STARD13: variants seen among roughly 807,000 people sequenced by gnomAD.
The protein encoded by STARD13 is StAR related lipid transfer domain containing 13.
A neutral mutation model predicts 106.4 loss-of-function variants in STARD13; 62 were observed. The observed-to-expected ratio is 0.58, with a 90% CI of 0.48 to 0.72. STARD13 has a LOEUF of 0.72. Among genes scored for constraint, STARD13 ranks in the 30% least tolerant of loss-of-function variants. STARD13 has a pLI of 0.00. For missense variants in STARD13, 1,387 were observed against 1,424.0 expected (o/e 0.97, Z 0.42); for synonymous variants, 565 against 553.0 (o/e 1.02, Z -0.31).
At chr13:33,346,992 A>G (rs868860731), downstream of STARD13, among the ~76,000 whole-genome samples, 9 of 152,308 alleles carry the variant, frequency 5.9e-5, 1 homozygote, top group South Asian at 1.9e-3. Flanking sequence ...GACTAAGTAT[A>G]GTAAGAAGAA....
intron 1 of STARD13, among the ~76,000 whole-genome samples, chr13:33,342,037 C>T (rs1472815958): frequency 2.6e-5 from 4 of 152,144 alleles, no homozygotes; most frequent in African/African-American, 7.2e-5. Flanking sequence ...GGGATCTGCC[C>T]GCCACGGACA....
the STARD13 span, among the ~76,000 whole-genome samples, chr13:33,543,057 T>C: frequency 6.6e-6 from 1 of 152,218 alleles, no homozygotes; most frequent in South Asian, 2.1e-4. Flanking sequence ...GAAACTGTTC[T>C]TTCTCTAGTT....
intron 1 of STARD13, among the ~76,000 whole-genome samples, chr13:33,304,196 G>A (rs1232481862): frequency 1.3e-5 from 2 of 152,202 alleles, no homozygotes; most frequent in Non-Finnish European, 2.9e-5. Flanking sequence ...AGCCATAGAT[G>A]TCTACATGGT....
intron 4 of STARD13, among the ~76,000 whole-genome samples, chr13:33,135,367 C>T (rs928232773): frequency 6.6e-6 from 1 of 152,188 alleles, no homozygotes; most frequent in African/African-American, 2.4e-5. Flanking sequence ...AGGGTAAAGA[C>T]CAGTCTGGGT....
At chr13:33,552,534 G>C in the STARD13 span, among the ~76,000 whole-genome samples, 1 of 152,136 alleles carries the variant, frequency 6.6e-6, no homozygotes, top group Non-Finnish European at 1.5e-5. Flanking sequence ...TGGTGCAAGT[G>C]AGCAACTCAT....
the STARD13 span, among the ~76,000 whole-genome samples, chr13:33,423,218 A>G: frequency 1.3e-5 from 2 of 152,218 alleles, no homozygotes; most frequent in African/African-American, 4.8e-5. Context: ...AATATCCAGA[A>G]TCTACAAAGA....
the STARD13 span, among the ~76,000 whole-genome samples, chr13:33,537,508 C>T: frequency 1.1e-4 from 17 of 152,122 alleles, no homozygotes; most frequent in Admixed American, 8.5e-4. Context: ...AGTTAAATAA[C>T]GCTCAATTAC....
the STARD13 span, among the ~76,000 whole-genome samples, chr13:33,421,522 A>G: frequency 6.6e-6 from 1 of 152,208 alleles, no homozygotes; most frequent in Non-Finnish European, 1.5e-5. Flanking sequence ...AGGTACAAAG[A>G]GGAGCTGTTA....
chr13:33,125,921 G>GTTCAAATTAAATA (rs3831088), intron 7 of STARD13, among the ~76,000 whole-genome samples, 160 bp downstream of exon 7: 45,375 of 151,742 alleles, frequency 0.3, 8,015 homozygotes, highest in Non-Finnish European at 0.41. Flanking sequence ...GACATGTCTT[G>GTTCAAATTAAATA]TTCAAATTAA....
At chr13:33,337,751 G>A (rs2077913067) in intron 1 of STARD13, among the ~76,000 whole-genome samples, 2 of 152,192 alleles carry the variant, frequency 1.3e-5, no homozygotes, top group Non-Finnish European at 2.9e-5. Context: ...ACCAGTGAAG[G>A]TGAATTCACA....
chr13:33,238,492 C>G (rs569662553), intron 1 of STARD13, among the ~76,000 whole-genome samples: 1 of 151,994 alleles, frequency 6.6e-6, no homozygotes, highest in African/African-American at 2.4e-5. Flanking sequence ...AAAAGTAGAT[C>G]ATCTATTTTA....
intron 1 of STARD13, among the ~76,000 whole-genome samples, chr13:33,227,270 G>A (rs758326799): frequency 6.6e-6 from 1 of 152,216 alleles, no homozygotes; most frequent in African/African-American, 2.4e-5. Flanking sequence ...TGCTGGCAGT[G>A]ATGGACTCAT....
exon 1 of STARD13, chr13:33,350,346 G>A (rs980913664): frequency 3.9e-6 from 6 of 1,534,406 alleles, no homozygotes; most frequent in African/African-American, 1.4e-5. Context: ...TCTGGCCGTG[G>A]AGTCCCGCAA....
At chr13:33,458,280 T>G in the STARD13 span, among the ~76,000 whole-genome samples, 2 of 150,918 alleles carry the variant, frequency 1.3e-5, no homozygotes, top group Non-Finnish European at 3.0e-5. Flanking sequence ...TTTTGTTGTT[T>G]TTTTTTTTTT....
At chr13:33,335,827 G>T (rs1375370382) in intron 1 of STARD13, among the ~76,000 whole-genome samples, 1 of 152,228 alleles carries the variant, frequency 6.6e-6, no homozygotes, top group Non-Finnish European at 1.5e-5. Context: ...TCACAGCAAG[G>T]TGCTGTTTGT....
chr13:33,201,882 A>G (rs9563217), intron 1 of STARD13, among the ~76,000 whole-genome samples: 16,005 of 152,118 alleles, frequency 0.11, 827 homozygotes, highest in Middle Eastern at 0.12. Flanking sequence ...TTAGTACATA[A>G]TCTGTCAGGC....
the STARD13 span, among the ~76,000 whole-genome samples, chr13:33,637,676 T>C: frequency 2.0e-5 from 3 of 152,244 alleles, no homozygotes; most frequent in African/African-American, 7.2e-5. Flanking sequence ...CAGTTCACAC[T>C]TACTATTTTG....
At chr13:33,462,264 C>T in the STARD13 span, among the ~76,000 whole-genome samples, 1 of 152,174 alleles carries the variant, frequency 6.6e-6, no homozygotes, top group Non-Finnish European at 1.5e-5. Flanking sequence ...CTTTCTTGTT[C>T]ATCCCGACCA....
At chr13:33,315,737 A>T (rs994422952) in intron 1 of STARD13, among the ~76,000 whole-genome samples, 3 of 152,212 alleles carry the variant, frequency 2.0e-5, no homozygotes, top group African/African-American at 7.2e-5. Context: ...AGCATTCAAC[A>T]TCATCACCAT....
Sources: allele counts gnomAD v4.1 joint callset (sites outside exome capture counted in the v4.1 genomes callset), GRCh38; gene constraint gnomAD v4.1.1; transcripts MANE v1.5; gene names NCBI Gene and HGNC (gene_info 2026-07-23, HGNC 2026-07-21).